SLC25A21: variants seen among roughly 807,000 people sequenced by gnomAD.
SLC25A21 encodes the protein mitochondrial 2-oxodicarboxylate carrier.
In SLC25A21, 47 loss-of-function variants were observed where a neutral mutation model predicts 43.8. That is an observed-to-expected ratio of 1.07 (90% CI 0.85 to 1.37). The LOEUF is 1.37. SLC25A21 is among the 40% of genes most tolerant of loss of function. The pLI, the probability that SLC25A21 is intolerant of heterozygous loss-of-function variation, is 0.00. For synonymous variants in SLC25A21, 131 were observed against 121.3 expected, an observed-to-expected ratio of 1.08 and a Z score of -0.52; for missense variants, 352 against 350.2, an observed-to-expected ratio of 1.00 and a Z score of -0.04.
rs1260718871 is a variant in SLC25A21 at position 36,859,984 on chromosome 14, A to AAT, written c.119+14970_119+14971dup. On this transcript the variant is annotated intron_variant, in intron 2 of 9. Transcript: ENST00000331299. ...TTCAACACTCTTGTAGGCACTGTGT[A>AAT]ATATATATACATATATATATCAATG... Among the ~76,000 whole-genome samples, 6 of 152,286 alleles carry AAT rather than the reference A, an allele frequency of 3.9e-5. No individual in the cohort carries two copies. The South Asian group carries it at 1.0e-3, about 26-fold the overall frequency.
At chr14:37,086,881 TC>T (rs1962496567) in intron 1 of SLC25A21, among the ~76,000 whole-genome samples, 1 of 152,186 alleles carries the variant, frequency 6.6e-6, no homozygotes, top group Non-Finnish European at 1.5e-5. Flanking sequence ...GGATACAATC[TC>T]ATACATTTTA....
intron 3 of SLC25A21, among the ~76,000 whole-genome samples, chr14:36,750,366 G>A (rs964618033): frequency 7.2e-5 from 11 of 152,112 alleles, no homozygotes; most frequent in Admixed American, 3.3e-4. Flanking sequence ...TGGTAATGAA[G>A]GCATTTTTAC....
intron 1 of SLC25A21, 46 bp from the exon 2 acceptor site, chr14:36,875,050 G>T (rs752958741): frequency 6.8e-7 from 1 of 1,480,746 alleles, no homozygotes; most frequent in African/African-American, 1.4e-5. Context: ...TGTAAACACT[G>T]GTTCTTATTT....
At chr14:37,166,871 A>T (rs972912840) in intron 1 of SLC25A21, among the ~76,000 whole-genome samples, 1 of 152,214 alleles carries the variant, frequency 6.6e-6, no homozygotes, top group Non-Finnish European at 1.5e-5. Context: ...TATTTGGCAC[A>T]ATATCTCACC....
In SLC25A21 at chr14:36,734,531, A is replaced by G; in HGVS notation, c.246T>C (p.Ala82=). 1 of 1,608,020 alleles carries G rather than the reference A, an allele frequency of 6.2e-7. No individual in the cohort carries two copies. ...FYKGILPPIL[A]ETPKRAVKFF... Reference sequence around the variant, plus strand: ...CCTTCACTGCTCTTTTTGGGGTTTCAGCCAAGATAGGTGGCAGAATTCCCT... The same window carrying G: ...CCTTCACTGCTCTTTTTGGGGTTTCGGCCAAGATAGGTGGCAGAATTCCCT... The change falls in exon 4 of 10, where the codon GCT becomes GCC. Residue 82 remains alanine (A), a synonymous_variant. Coordinates refer to ENST00000331299, the MANE Select transcript of SLC25A21 (RefSeq NM_030631.4).
chr14:36,751,502 G>C (rs2139260350), intron 3 of SLC25A21, among the ~76,000 whole-genome samples: 1 of 152,254 alleles, frequency 6.6e-6, no homozygotes, highest in South Asian at 2.1e-4. Context: ...TTACTAACTT[G>C]AAGAAAAAGG....
At chr14:36,702,577 C>T (rs1185805253) in intron 7 of SLC25A21, among the ~76,000 whole-genome samples, 1 of 151,190 alleles carries the variant, frequency 6.6e-6, no homozygotes, top group African/African-American at 2.4e-5. Context: ...GATTAGAATA[C>T]TTGTTTATAA....
intron 1 of SLC25A21, among the ~76,000 whole-genome samples, chr14:36,947,718 A>G (rs971034824): frequency 1.3e-5 from 2 of 152,146 alleles, no homozygotes; most frequent in Non-Finnish European, 2.9e-5. Flanking sequence ...TCTCTCTCCA[A>G]TGTGATACTC....
In SLC25A21 at chr14:36,949,608, G is replaced by A. The variant is rs1006985083; in HGVS notation, c.71-74604C>T. 7.7e-4 allele frequency among the ~76,000 whole-genome samples: 117 copies of A among 152,064 alleles called. 1 individual carries two copies. The highest frequency in any genetic ancestry group is 1.9e-4 in the Non-Finnish European group (13 of 68,026). ...ACTCAAAGGGCTTCTCCTTTCTACA[G>A]TCAGTTCCCTGTTTATGGGATTTTT... On this transcript the variant is annotated intron_variant, in intron 1 of 9. Transcript: ENST00000331299.
intron 1 of SLC25A21, among the ~76,000 whole-genome samples, chr14:37,104,107 T>C (rs1267436860): frequency 4.6e-5 from 7 of 152,206 alleles, no homozygotes; most frequent in Admixed American, 4.6e-4. Context: ...TGGACACCAA[T>C]GGGAGTTCTG....
intron 7 of SLC25A21, among the ~76,000 whole-genome samples, chr14:36,686,511 C>G (rs1035251277): frequency 2.0e-5 from 3 of 152,066 alleles, no homozygotes; most frequent in Non-Finnish European, 4.4e-5. Context: ...CCCAGTGTAT[C>G]CAAGGGAAGT....
chr14:37,010,709 T>A (rs1960711998), intron 1 of SLC25A21, among the ~76,000 whole-genome samples: 1 of 152,216 alleles, frequency 6.6e-6, no homozygotes, highest in Admixed American at 6.5e-5. Flanking sequence ...TTAACAGTTT[T>A]GAATGCATAT....
intron 2 of SLC25A21, among the ~76,000 whole-genome samples, chr14:36,852,656 T>G (rs1387646259): frequency 6.6e-6 from 1 of 152,190 alleles, no homozygotes; most frequent in Non-Finnish European, 1.5e-5. Flanking sequence ...GGCGTGTGTG[T>G]ATGTGTGAGT....
At chr14:37,105,509 C>T (rs1281521484) in intron 1 of SLC25A21, among the ~76,000 whole-genome samples, 5 of 152,028 alleles carry the variant, frequency 3.3e-5, no homozygotes, top group East Asian at 1.9e-4. Flanking sequence ...AAGCAAATTG[C>T]GGGAGATATG....
intron 1 of SLC25A21, among the ~76,000 whole-genome samples, chr14:36,905,626 T>A (rs1046244377): frequency 1.8e-4 from 27 of 152,212 alleles, no homozygotes; most frequent in Non-Finnish European, 3.1e-4. Context: ...AAGGGATTTT[T>A]TTTTTTGTCT....
chr14:36,703,402 G>C (rs748697461), intron 7 of SLC25A21, among the ~76,000 whole-genome samples: 1 of 152,198 alleles, frequency 6.6e-6, no homozygotes, highest in Non-Finnish European at 1.5e-5. Context: ...TACCTTGGAA[G>C]AAAATAAATA....
chr14:36,705,336 C>T (rs563229806), intron 7 of SLC25A21, among the ~76,000 whole-genome samples: 3 of 151,728 alleles, frequency 2.0e-5, no homozygotes, highest in African/African-American at 7.2e-5. Context: ...TGAGCCACTG[C>T]GTCCGGCGGC....
chr14:36,840,000 G>A (rs1415793814), intron 2 of SLC25A21, among the ~76,000 whole-genome samples: 1 of 152,122 alleles, frequency 6.6e-6, no homozygotes, highest in Non-Finnish European at 1.5e-5. Context: ...CTCACTTCTG[G>A]GAGGTGGTCA....
intron 2 of SLC25A21, among the ~76,000 whole-genome samples, chr14:36,844,439 C>A (rs1265998810): frequency 6.6e-6 from 1 of 152,176 alleles, no homozygotes; most frequent in African/African-American, 2.4e-5. Flanking sequence ...GGGGAGAATC[C>A]AGCAAACCAG....
Sources: gnomAD v4.1 joint callset for allele counts (sites outside exome capture counted in the v4.1 genomes callset) on GRCh38, gnomAD v4.1.1 for gene constraint, MANE v1.5 for transcripts, NCBI Gene and HGNC (gene_info 2026-07-23, HGNC 2026-07-21) for gene names.